The following PLOD1 variants were observed in gnomAD, a reference collection of about 807,000 sequenced individuals.
The protein encoded by PLOD1 is lysine hydroxylase.
In PLOD1, 70 loss-of-function variants were observed where a neutral mutation model predicts 94.7. The ratio of observed to expected loss-of-function variants is 0.74; its 90% CI spans 0.61 to 0.90. The LOEUF (loss-of-function observed/expected upper bound fraction) is 0.90, where lower values mean the gene tolerates loss of function less well. Among genes scored for constraint, PLOD1 ranks in the 40% least tolerant of loss-of-function variants. The probability of loss-of-function intolerance (pLI) is 0.00; values close to 1 mark genes in which losing one functional copy is unlikely to be tolerated. For synonymous variants in PLOD1, 417 were observed against 400.2 expected (o/e 1.04, Z -0.50); for missense variants, 905 against 972.7 (o/e 0.93, Z 0.93).
chr1:11,942,615 T>A (rs1253598075), intron 1 of PLOD1, among the ~76,000 whole-genome samples: 1 of 152,118 alleles, frequency 6.6e-6, no homozygotes, highest in Non-Finnish European at 1.5e-5. Context: ...TTGGGGATGT[T>A]AGGAGGTCAT....
At chr1:11,934,914 G>C in intron 1 of PLOD1, 59 bp downstream of exon 1, 2 of 1,510,992 alleles carry the variant, frequency 1.3e-6, no homozygotes, top group South Asian at 2.5e-5. Context: ...CTGGTGTCGG[G>C]CTGCCTCCCT....
At position 11,957,476 on chromosome 1, in the gene PLOD1, T is replaced by C. The variant is rs1245237474; in HGVS notation, c.742-366T>C. The stretch of plus-strand genomic sequence containing the variant: ...CCCTGGGGAACTGGCTCATAGCTCA[T>C]AGCATATTTGAGTGTGGTCCTTCAC... On this transcript the variant is annotated intron_variant, in intron 7 of 18. Transcript: ENST00000196061. This position sits in a 1 kb window ranked among gnomAD's most constrained non-coding sequence, Gnocchi z 4.1. Among the ~76,000 whole-genome samples, 2 of 152,192 alleles carry C rather than the reference T, an allele frequency of 1.3e-5. No homozygotes were observed. The highest frequency in any genetic ancestry group is 2.4e-5 in the African/African-American group (1 of 41,450).
intron 5 of PLOD1, chr1:11,954,313 A>C (rs75450854): frequency 7.7e-6 from 1 of 130,188 alleles, no homozygotes; most frequent in Non-Finnish European, 1.6e-5. Flanking sequence ...TCTCTAGCAA[A>C]AAAAAAAAAA....
chr1:11,948,983 C>T (rs1157855540), intron 2 of PLOD1, among the ~76,000 whole-genome samples: 4 of 152,152 alleles, frequency 2.6e-5, no homozygotes, highest in African/African-American at 9.7e-5. Context: ...TGTATCAGCT[C>T]ACATGAATGA....
intron 5 of PLOD1, chr1:11,954,189 GCCA>G: frequency 6.6e-6 from 1 of 152,006 alleles, no homozygotes; most frequent in South Asian, 1.5e-4. Flanking sequence ...TGGAGTAGCG[GCCA>G]GGTGCGGTGG....
chr1:11,950,666 C>T (rs1446117176), intron 4 of PLOD1, 146 bp downstream of exon 4: 7 of 683,714 alleles, frequency 1.0e-5, no homozygotes, highest in Non-Finnish European at 1.8e-5. Context: ...GACTTTTCAA[C>T]CCCAAATGTG....
Position 11,974,966 on chromosome 1 carries a change from C to G in PLOD1, c.*158C>G, listed in dbSNP as rs1645894003. The G allele has an allele frequency of 1.3e-6, 1 of 780,042 alleles. No individual in the cohort carries two copies. The highest frequency in any genetic ancestry group is 1.7e-5 in the African/African-American group (1 of 58,334). The allele number at this position is 780,042 out of a possible 1,614,324, so 48.3% of individuals were successfully genotyped here. A position where few individuals can be genotyped will look rare whatever the true frequency, so the allele number is the denominator to read the frequency against. ...CCAATCAAAGAGATTCAAAGAGATT[C>G]CTGCAGGCCAGAGGCGGAACACACC... On this transcript the variant is annotated 3_prime_UTR_variant, in exon 19 of 19. Coordinates refer to ENST00000196061, the MANE Select transcript of PLOD1 (RefSeq NM_000302.4).
intron 16 of PLOD1, among the ~76,000 whole-genome samples, chr1:11,967,658 A>ATTTTT (rs1553136726): frequency 1.8e-5 from 2 of 108,974 alleles, no homozygotes; most frequent in East Asian, 5.5e-4. Flanking sequence ...ATATATATAT[A>ATTTTT]TTTTTTTTAA....
At chr1:11,943,161 T>C (rs1221392944) in intron 1 of PLOD1, among the ~76,000 whole-genome samples, 2 of 152,114 alleles carry the variant, frequency 1.3e-5, no homozygotes, top group African/African-American at 4.8e-5. Flanking sequence ...AGCTAATTTT[T>C]GTATTTTTAG....
intron 12 of PLOD1, 23 bp downstream of exon 12, chr1:11,964,323 TG>T: frequency 3.6e-6 from 1 of 274,718 alleles, no homozygotes; most frequent in Non-Finnish European, 7.3e-6. Context: ...AGGGTGGGGG[TG>T]GGTGGGGGAC....
In PLOD1 at chr1:11,958,285, A is replaced by G. The variant is rs557037635; in HGVS notation, c.844-231A>G. On this transcript the variant is annotated intron_variant, in intron 8 of 18. Coordinates refer to ENST00000196061, the MANE Select transcript of PLOD1 (RefSeq NM_000302.4). This position sits in a 1 kb window ranked among gnomAD's most constrained non-coding sequence, Gnocchi z 4.3. ...ACGATCTCCTGACAGCAGGCCCTCA[A>G]CCGAGTCCTTGTTCCAGGCCTGGGC... 6.6e-6 allele frequency among the ~76,000 whole-genome samples: 1 copy of G among 151,994 alleles called. No individual in the cohort carries two copies. Among genetic ancestry groups the G allele is most frequent in the East Asian group, 1.9e-4 (1 of 5,158 alleles).
chr1:11,968,169 G>C (rs1301872428), intron 16 of PLOD1, among the ~76,000 whole-genome samples: 1 of 152,010 alleles, frequency 6.6e-6, no homozygotes, highest in African/African-American at 2.4e-5. Context: ...GGCCAGGCTG[G>C]TCTCAAACTC....
intron 1 of PLOD1, among the ~76,000 whole-genome samples, chr1:11,947,268 C>A (rs577983153): frequency 0.012 from 1,745 of 144,920 alleles, 33 homozygotes; most frequent in African/African-American, 0.042. Flanking sequence ...AACAAACAAA[C>A]AAAAAAAACA....
rs1231892039 is a variant in PLOD1 at position 11,957,068 on chromosome 1, C to A, written c.741+54C>A. 2 of 1,179,510 alleles carry A rather than the reference C, an allele frequency of 1.7e-6. No individual in the cohort carries two copies. The highest frequency in any genetic ancestry group is 2.4e-5 in the South Asian group (2 of 82,388). 73.1% of individuals were successfully genotyped at this position (1,179,510 alleles called of 1,614,324 possible). A position where few individuals can be genotyped will look rare whatever the true frequency, so the allele number is the denominator to read the frequency against. ...TGGGAGGGGGCCAGAGCCCTAATTT[C>A]ATTCTCACTGTGACCCCACAGTGTC... On this transcript the variant is annotated intron_variant, in intron 7 of 18. Coordinates refer to ENST00000196061, the MANE Select transcript of PLOD1 (RefSeq NM_000302.4). The surrounding 1 kb of genome is among the most constrained non-coding windows in gnomAD (Gnocchi z 4.1).
chr1:11,965,332 G>A (rs1195574035), intron 13 of PLOD1, 148 bp from the exon 14 acceptor site: 19 of 657,152 alleles, frequency 2.9e-5, no homozygotes, highest in Admixed American at 1.0e-4. Context: ...GGGACATAGC[G>A]GTGACTGCAC....
chr1:11,946,494 T>G (rs984202491), intron 1 of PLOD1, among the ~76,000 whole-genome samples: 7 of 152,224 alleles, frequency 4.6e-5, no homozygotes, highest in African/African-American at 1.7e-4. Flanking sequence ...TGGGAGAATC[T>G]AGAGCCATGT....
intron 6 of PLOD1, among the ~76,000 whole-genome samples, chr1:11,955,977 G>T (rs1165411500): frequency 6.6e-6 from 1 of 152,112 alleles, no homozygotes; most frequent in East Asian, 1.9e-4. Context: ...GCGCAGGCTT[G>T]TCTCAAACTC....
rs369976401 is a variant in PLOD1 at position 11,963,771 on chromosome 1, CTCCTCCTCGTCT to C, written c.1202+143_1202+154del. The C allele has an allele frequency of 4.3e-6, 3 of 701,954 alleles. No individual in the cohort carries two copies. Among genetic ancestry groups the C allele is most frequent in the Non-Finnish European group, 7.8e-6 (3 of 383,912 alleles). The allele number at this position is 701,954 out of a possible 1,614,324, so 43.5% of individuals were successfully genotyped here. A position where few individuals can be genotyped will look rare whatever the true frequency, so the allele number is the denominator to read the frequency against. On this transcript the variant is annotated intron_variant, in intron 11 of 18. Coordinates refer to ENST00000196061, the MANE Select transcript of PLOD1 (RefSeq NM_000302.4). The surrounding 1 kb of genome is among the most constrained non-coding windows in gnomAD (Gnocchi z 4.3). ...CTTTTTCCTTCTCCTGCTCCTCTTT[CTCCTCCTCGTCT>C]TCCTCCTTGTCTTCCTCCTCCTCTT... is the stretch of plus-strand genomic sequence containing the variant.
Position 11,963,574 on chromosome 1 carries a change from C to T in PLOD1, c.1140C>T (p.Ser380=), listed in dbSNP as rs200131516. The T allele has an allele frequency of 2.1e-4, 335 of 1,605,086 alleles. No individual in the cohort carries two copies. Among genetic ancestry groups the T allele is most frequent in the Non-Finnish European group, 2.5e-4 (296 of 1,176,528 alleles). Residue 380 remains serine, a synonymous_variant, in exon 11 of 19, where the codon AGC becomes AGT. Transcript: ENST00000196061. The surrounding 1 kb of genome is among the most constrained non-coding windows in gnomAD (Gnocchi z 4.3). ...ACCGCAGCTGCACCTACTACTTCAGCGTGGATGCTGACGTGGCCCTGACCG... is the reference window on the plus strand; with the variant it reads ...ACCGCAGCTGCACCTACTACTTCAGTGTGGATGCTGACGTGGCCCTGACCG... ...RQDRSCTYYF[S]VDADVALTEP... is the part of the protein sequence containing the mutation.
Sources: allele counts gnomAD v4.1 joint callset (sites outside exome capture counted in the v4.1 genomes callset), GRCh38; gene constraint gnomAD v4.1.1; non-coding constraint Gnocchi (gnomAD v3.1); transcripts MANE v1.5; gene names NCBI Gene and HGNC (gene_info 2026-07-23, HGNC 2026-07-21).